MED13L: variants seen among roughly 807,000 people sequenced by gnomAD.
MED13L encodes mediator complex subunit 13L.
Under a neutral mutation model 220.9 loss-of-function variants are expected in MED13L, and 7 were observed. The ratio of observed to expected loss-of-function variants is 0.03; its 90% CI spans 0.02 to 0.06. The LOEUF (loss-of-function observed/expected upper bound fraction) is 0.06. Ranked by LOEUF, MED13L falls within the 10% of genes least tolerant of loss-of-function variation. The probability of loss-of-function intolerance (pLI) is 1.00; values close to 1 mark genes in which losing one functional copy is unlikely to be tolerated. For missense variants in MED13L, 1,965 were observed against 2,760.5 expected (o/e 0.71, Z 6.46); for synonymous variants, 1,011 against 1,015.2 (o/e 1.00, Z 0.08).
At chr12:116,266,581 A>T (rs1442093737) in intron 1 of MED13L, among the ~76,000 whole-genome samples, 1 of 152,226 alleles carries the variant, frequency 6.6e-6, no homozygotes, top group Non-Finnish European at 1.5e-5. Context: ...GAGAACACTA[A>T]GCATAAGTTT....
intron 4 of MED13L, among the ~76,000 whole-genome samples, chr12:116,067,672 G>C (rs1870051655): frequency 6.6e-6 from 1 of 152,182 alleles, no homozygotes. Flanking sequence ...CTGTAGGAGT[G>C]AAAGGCACAG....
intron 2 of MED13L, among the ~76,000 whole-genome samples, chr12:116,150,773 T>C (rs552480152): frequency 4.6e-4 from 70 of 152,324 alleles, no homozygotes; most frequent in African/African-American, 1.6e-3. Flanking sequence ...TACGGAAAGA[T>C]ACAAGCTTTG....
intron 4 of MED13L, among the ~76,000 whole-genome samples, chr12:116,074,117 G>A (rs927512146): frequency 4.6e-5 from 7 of 152,192 alleles, no homozygotes; most frequent in African/African-American, 7.2e-5. Context: ...AAGTCTGGCC[G>A]GGCATGGTGG....
intron 4 of MED13L, among the ~76,000 whole-genome samples, chr12:116,086,248 G>A (rs1871671997): frequency 6.6e-6 from 1 of 150,830 alleles, no homozygotes; most frequent in Non-Finnish European, 1.5e-5. Context: ...TCCGTAAAAT[G>A]TAGTATTTTA....
At chr12:116,164,212 A>G (rs1235579370) in intron 2 of MED13L, among the ~76,000 whole-genome samples, 1 of 152,212 alleles carries the variant, frequency 6.6e-6, no homozygotes. Context: ...ATGAAAGTGC[A>G]TATCAAATAA....
chr12:116,276,854 T>A, intron 1 of MED13L: 1 of 1,013,506 alleles, frequency 9.9e-7, no homozygotes, highest in Non-Finnish European at 1.4e-6. Context: ...ACAAATGATT[T>A]TTAAAGAGCC....
chr12:116,067,151 GA>G (rs1343575435), intron 4 of MED13L, among the ~76,000 whole-genome samples: 2 of 151,788 alleles, frequency 1.3e-5, no homozygotes, highest in African/African-American at 4.8e-5. Context: ...TATAAACAGA[GA>G]ATATGAAATA....
intron 1 of MED13L, among the ~76,000 whole-genome samples, chr12:116,269,205 C>A (rs1380849926): frequency 6.6e-6 from 1 of 152,044 alleles, no homozygotes; most frequent in Non-Finnish European, 1.5e-5. Flanking sequence ...ATTACAGGCA[C>A]ACACCACCAC....
intron 7 of MED13L, among the ~76,000 whole-genome samples, chr12:116,018,911 A>C (rs201166472): frequency 1.7e-4 from 23 of 135,894 alleles, no homozygotes; most frequent in East Asian, 2.1e-4. Context: ...AAAAAAAAAA[A>C]CAAAAAAAAA....
At chr12:116,009,498 C>T (rs570935803) in intron 9 of MED13L, among the ~76,000 whole-genome samples, 80 of 152,238 alleles carry the variant, frequency 5.3e-4, no homozygotes, top group African/African-American at 1.8e-3. Context: ...CAAGAAACAA[C>T]AAAGCTTCCA....
intron 4 of MED13L, among the ~76,000 whole-genome samples, chr12:116,088,798 GA>G (rs1275923379): frequency 3.0e-5 from 4 of 133,886 alleles, no homozygotes; most frequent in African/African-American, 5.5e-5. Context: ...GCTTAAAAAA[GA>G]AAAAAAAAAG....
At chr12:116,091,316 T>C (rs1186090537) in intron 4 of MED13L, among the ~76,000 whole-genome samples, 3 of 152,022 alleles carry the variant, frequency 2.0e-5, no homozygotes, top group Non-Finnish European at 2.9e-5. Context: ...AGACCACTAA[T>C]AGCACAAATG....
At chr12:116,064,300 A>G (rs896093696) in intron 4 of MED13L, among the ~76,000 whole-genome samples, 1 of 152,222 alleles carries the variant, frequency 6.6e-6, no homozygotes, top group African/African-American at 2.4e-5. Flanking sequence ...TAAATAGTAG[A>G]CTGTATTATT....
chr12:116,166,503 G>C (rs1037967918), intron 2 of MED13L, among the ~76,000 whole-genome samples: 4 of 152,042 alleles, frequency 2.6e-5, no homozygotes, highest in African/African-American at 9.7e-5. Flanking sequence ...AGAATCACTT[G>C]AGCCCGGGAC....
intron 1 of MED13L, among the ~76,000 whole-genome samples, chr12:116,258,104 C>G (rs950183740): frequency 2.0e-5 from 3 of 152,080 alleles, no homozygotes; most frequent in Non-Finnish European, 4.4e-5. Context: ...AAGAAAGAGA[C>G]CAATAATGTT....
chr12:116,051,497 G>C (rs1184064756), intron 4 of MED13L, among the ~76,000 whole-genome samples: 1 of 152,170 alleles, frequency 6.6e-6, no homozygotes, highest in Non-Finnish European at 1.5e-5. Context: ...TATGCAAACA[G>C]CAATGATAAA....
At chr12:116,184,241 A>G (rs966699248) in intron 2 of MED13L, among the ~76,000 whole-genome samples, 1 of 152,244 alleles carries the variant, frequency 6.6e-6, no homozygotes, top group African/African-American at 2.4e-5. Context: ...GATAGTTACA[A>G]TCAATCTACA....
chr12:116,074,237 A>G (rs148390297), intron 4 of MED13L, among the ~76,000 whole-genome samples: 1 of 152,130 alleles, frequency 6.6e-6, no homozygotes, highest in Non-Finnish European at 1.5e-5. Context: ...TCTACTAAAA[A>G]CACAAAAAGT....
chr12:116,006,363 T>C lies in MED13L; in HGVS notation c.2287A>G (p.Thr763Ala), dbSNP rs374212886. 6.2e-7 allele frequency: 1 copy of C among 1,614,068 alleles called. No individual in the cohort carries two copies. The highest frequency in any genetic ancestry group is 8.5e-7 in the Non-Finnish European group (1 of 1,179,946). The stretch of plus-strand genomic sequence containing the variant: ...GCATTTTTCCCATCAGGCACCGGCG[T>C]GGAATGACCTGGTGTAGTGACATCC... The part of the protein sequence containing the change: ...TKDVTTPGHS[T>A]PVPDGKNAMS... The change falls in exon 12 of 31, where the codon ACG (threonine) becomes GCG (alanine). Residue 763 changes from threonine to alanine, a missense_variant. Transcript: ENST00000281928.
Sources: allele counts gnomAD v4.1 joint callset (sites outside exome capture counted in the v4.1 genomes callset), GRCh38; gene constraint gnomAD v4.1.1; transcripts MANE v1.5; gene names NCBI Gene and HGNC (gene_info 2026-07-23, HGNC 2026-07-21).